CLCN1: variants seen among roughly 807,000 people sequenced by gnomAD.
CLCN1 encodes chloride voltage-gated channel 1.
CLCN1 carries 100 observed loss-of-function variants against 114.5 expected under a neutral mutation model. That is an observed-to-expected ratio of 0.87 (90% confidence interval 0.74 to 1.03). The LOEUF (loss-of-function observed/expected upper bound fraction) is 1.03. Among genes scored for constraint, CLCN1 ranks in the 50% least tolerant of loss-of-function variants. The pLI, the probability that CLCN1 is intolerant of heterozygous loss-of-function variation, is 0.00. For synonymous variants in CLCN1, 485 were observed against 487.1 expected (o/e 1.00, Z 0.06); for missense variants, 1,188 against 1,250.0 (o/e 0.95, Z 0.75).
At position 143,319,840 on chromosome 7, in the gene CLCN1, A is replaced by G. The variant is rs948634525; in HGVS notation, c.266A>G (p.Asp89Gly). 5.6e-6 allele frequency: 9 copies of G among 1,613,834 alleles called. No individual in the cohort carries two copies. Among genetic ancestry groups the G allele is most frequent in the African/African-American group, 2.7e-5 (2 of 74,914 alleles). Reference sequence around the variant, plus strand: ...AAGACAGGCTCCAGTTCTACCGTGGACAGCAAGGATGAGGATCACTATTCT... The same window carrying G: ...AAGACAGGCTCCAGTTCTACCGTGGGCAGCAAGGATGAGGATCACTATTCT... Reference protein sequence around the residue: ...PKKTGSSSTVDSKDEDHYSKC... With the variant: ...PKKTGSSSTVGSKDEDHYSKC... The change falls in exon 2 of 23, where the codon GAC (aspartate) becomes GGC (glycine). Residue 89 changes from aspartate to glycine, a missense_variant. Physicochemically the swap from Asp to Gly is moderately conservative, Grantham distance 94. Transcript: ENST00000343257.
chr7:143,351,226 G>T (rs527855778), intron 22 of CLCN1, among the ~76,000 whole-genome samples: 1 of 152,212 alleles, frequency 6.6e-6, no homozygotes, highest in South Asian at 2.1e-4. Flanking sequence ...TCTGTAGATA[G>T]TGTGGGTTTG....
Position 143,321,470 on chromosome 7 carries a change from A to G in CLCN1, c.539A>G (p.His180Arg). The change falls in exon 4 of 23, where the codon CAC becomes CGC. Residue 180 changes from histidine (H) to arginine (R), a missense_variant. By Grantham distance (29) the His-to-Arg change is conservative. Transcript: ENST00000343257. This position sits in a 1 kb window ranked among gnomAD's most constrained non-coding sequence, Gnocchi z 4.2. ...VLILFSALFC[H>R]LISPQAVGSG... ...ATCCTCTTCAGCGCCCTCTTCTGCCACCTCATCTCTCCCCAGGCTGTTGGT... is the reference window on the plus strand; with the variant it reads ...ATCCTCTTCAGCGCCCTCTTCTGCCGCCTCATCTCTCCCCAGGCTGTTGGT... 6.2e-7 allele frequency: 1 copy of G among 1,613,702 alleles called. No individual in the cohort carries two copies. The highest frequency in any genetic ancestry group is 8.5e-7 in the Non-Finnish European group (1 of 1,179,922).
chr7:143,334,747 T>C (rs1343485245), intron 12 of CLCN1, among the ~76,000 whole-genome samples: 2 of 152,236 alleles, frequency 1.3e-5, no homozygotes, highest in Non-Finnish European at 1.5e-5. Context: ...CATTCCACTT[T>C]AGGTGGTTTA....
rs757897568 is a variant in CLCN1, at chr7:143,321,515, C to T, written c.562+22C>T. 5.3e-5 allele frequency: 85 copies of T among 1,613,844 alleles called. No individual in the cohort carries two copies. The highest frequency in any genetic ancestry group is 3.6e-4 in the East Asian group (16 of 44,874). On this transcript the variant is annotated intron_variant, in intron 4 of 22. Coordinates refer to ENST00000343257, the MANE Select transcript of CLCN1 (RefSeq NM_000083.3). This position sits in a 1 kb window ranked among gnomAD's most constrained non-coding sequence, Gnocchi z 4.2. Reference sequence around the variant, plus strand: ...GTTGGTGAGAACTTGCCACCAGACTCGGCCTGAGCTGGGTGGCCTGAGAGG... The same window carrying T: ...GTTGGTGAGAACTTGCCACCAGACTTGGCCTGAGCTGGGTGGCCTGAGAGG...
At chr7:143,349,386 A>C (rs1057334198) in intron 20 of CLCN1, among the ~76,000 whole-genome samples, 1 of 152,238 alleles carries the variant, frequency 6.6e-6, no homozygotes, top group Non-Finnish European at 1.5e-5. Flanking sequence ...AAACCTATAT[A>C]ATGCCCTTTG....
intron 15 of CLCN1, 94 bp downstream of exon 15, chr7:143,342,236 CTG>C (rs1160922907): frequency 4.0e-6 from 6 of 1,492,654 alleles, no homozygotes; most frequent in Non-Finnish European, 5.6e-6. Context: ...TTTGGAAACA[CTG>C]TTTTAAATTA....
At position 143,323,306 on chromosome 7, in the gene CLCN1, C is replaced by G. The variant is rs1802491459; in HGVS notation, c.697-3C>G. On this transcript the variant is annotated splice_region_variant and splice_polypyrimidine_tract_variant and intron_variant, in intron 5 of 22. Coordinates refer to ENST00000343257, the MANE Select transcript of CLCN1 (RefSeq NM_000083.3). ...CCCCGCCCCCTCGCTCCCCCTCTCC[C>G]AGGGCCCCTTCGTCCACATTGCCAG... The G allele has an allele frequency of 6.2e-7, 1 of 1,608,094 alleles. No individual in the cohort carries two copies. The highest frequency in any genetic ancestry group is 1.7e-5 in the Admixed American group (1 of 59,996).
intron 20 of CLCN1, among the ~76,000 whole-genome samples, chr7:143,347,347 A>G (rs900320930): frequency 6.6e-6 from 1 of 152,140 alleles, no homozygotes; most frequent in Non-Finnish European, 1.5e-5. Context: ...GAGGCCGGGC[A>G]TGGTGGCTCA....
chr7:143,350,549 C>G lies in CLCN1; in HGVS notation c.2509-19C>G, dbSNP rs1049919963. 1 of 1,612,284 alleles carries G rather than the reference C, an allele frequency of 6.2e-7. No homozygotes were observed. Among genetic ancestry groups the G allele is most frequent in the African/African-American group, 1.3e-5 (1 of 74,880 alleles). On this transcript the variant is annotated intron_variant, in intron 21 of 22. Coordinates refer to ENST00000343257, the MANE Select transcript of CLCN1 (RefSeq NM_000083.3). The surrounding 1 kb of genome is among the most constrained non-coding windows in gnomAD (Gnocchi z 5.1). Reference sequence around the variant, plus strand: ...TGTGGGGCAAGGAACATGCACTGACCTGTGCTCTTCATCCTCAGACTCATA... The same window carrying G: ...TGTGGGGCAAGGAACATGCACTGACGTGTGCTCTTCATCCTCAGACTCATA...
In CLCN1 at chr7:143,339,477, C is replaced by G. The variant is rs767828806; in HGVS notation, c.1472-34C>G. 1 of 1,540,646 alleles carries G rather than the reference C, an allele frequency of 6.5e-7. No individual in the cohort carries two copies. The highest frequency in any genetic ancestry group is 1.1e-5 in the South Asian group (1 of 89,570). Reference sequence around the variant, plus strand: ...AACTGAGAGCAAGGAACTTGGATCTCGTAACACCTTCCTTCCTTTTATCTT... The same window carrying G: ...AACTGAGAGCAAGGAACTTGGATCTGGTAACACCTTCCTTCCTTTTATCTT... On this transcript the variant is annotated intron_variant, in intron 13 of 22. Transcript: ENST00000343257. The surrounding 1 kb of genome is among the most constrained non-coding windows in gnomAD (Gnocchi z 4.1).
chr7:143,323,801 C>A (rs1313866249), intron 6 of CLCN1: 1 of 476,700 alleles, frequency 2.1e-6, no homozygotes, highest in Admixed American at 2.3e-5. Flanking sequence ...CCTTGTCCCG[C>A]GTGCTTCTCT....
Position 143,320,750 on chromosome 7 carries a change from C to G in CLCN1, c.388C>G (p.Leu130Val), listed in dbSNP as rs1802407304. The change falls in exon 3 of 23, where the codon CTG becomes GTG. Residue 130 changes from leucine (L) to valine (V), a missense_variant. Coordinates refer to ENST00000343257, the MANE Select transcript of CLCN1 (RefSeq NM_000083.3). ...GGTGCTTCTGGGACTGCTGATGGCT[C>G]TGGTCAGCTGGAGCATGGACTACGT... Reference protein sequence around the residue: ...FLVLLGLLMALVSWSMDYVSA... With the variant: ...FLVLLGLLMAVVSWSMDYVSA... The G allele has an allele frequency of 6.2e-7, 1 of 1,613,408 alleles. No individual in the cohort carries two copies. The highest frequency in any genetic ancestry group is 8.5e-7 in the Non-Finnish European group (1 of 1,179,446).
chr7:143,321,582 C>G lies in CLCN1; in HGVS notation c.562+89C>G. 6.2e-7 allele frequency: 1 copy of G among 1,607,904 alleles called. No individual in the cohort carries two copies. The highest frequency in any genetic ancestry group is 1.1e-5 in the South Asian group (1 of 90,950). On this transcript the variant is annotated intron_variant, in intron 4 of 22. Coordinates refer to ENST00000343257, the MANE Select transcript of CLCN1 (RefSeq NM_000083.3). The surrounding 1 kb of genome is among the most constrained non-coding windows in gnomAD (Gnocchi z 4.2). ...CCCATCATCCAGCCCCACCCACAGCCCTGTGCTGCCTTGCCCCATCCTCCC... is the reference window on the plus strand; with the variant it reads ...CCCATCATCCAGCCCCACCCACAGCGCTGTGCTGCCTTGCCCCATCCTCCC...
intron 6 of CLCN1, chr7:143,323,623 T>A (rs1164066642): frequency 1.4e-5 from 9 of 663,178 alleles, no homozygotes; most frequent in Non-Finnish European, 2.3e-5. Context: ...TGGCCCCACA[T>A]GGAGGTCTGG....
At chr7:143,349,232 A>ATGTGGTCATCCATAGTGGTCAT (rs1803332313) in intron 20 of CLCN1, among the ~76,000 whole-genome samples, 2 of 152,234 alleles carry the variant, frequency 1.3e-5, no homozygotes, top group South Asian at 4.1e-4. Context: ...CACACCTGCT[A>ATGTGGTCATCCATAGTGGTCAT]AGTGGTCATC....
chr7:143,319,811 C>G lies in CLCN1; in HGVS notation c.237C>G (p.Pro79=). The change falls in exon 2 of 23, where the codon CCC becomes CCG. Residue 79 remains proline, a synonymous_variant. Transcript: ENST00000343257. The stretch of plus-strand genomic sequence containing the variant: ...ACAGGGAGCAGGACATAGGGATGCC[C>G]AAGAAGACAGGCTCCAGTTCTACCG... ...FSDREQDIGM[P]KKTGSSSTVD... The G allele has an allele frequency of 6.2e-7, 1 of 1,613,618 alleles. No homozygotes were observed.
Position 143,346,166 on chromosome 7 carries a change from CT to C in CLCN1, c.2200del (p.Ser734LeufsTer60), listed in dbSNP as rs775166782. The C allele has an allele frequency of 6.2e-6, 10 of 1,612,860 alleles. No individual in the cohort carries two copies. Among genetic ancestry groups the C allele is most frequent in the Non-Finnish European group, 8.5e-6 (10 of 1,178,896 alleles). On this transcript the variant is annotated frameshift_variant, in exon 18 of 23. Transcript: ENST00000343257. LOFTEE classifies it high-confidence loss of function. Reference protein sequence around the residue: ...ELPPSLALHPSTTAPLSPEEP... With the variant: ...ELPPSLALHPXTTAPLSPEEP... ...TTCCTCCTTCCCTTGCTCTCCACCC[CT>C]CTACTACTGCCCCTCTGTCCCCAGA...
chr7:143,331,203 A>G (rs763744958), intron 8 of CLCN1, 29 bp from the exon 9 acceptor site: 32 of 1,505,112 alleles, frequency 2.1e-5, no homozygotes, highest in Non-Finnish European at 2.8e-5. Context: ...CGAAGCTCCC[A>G]TCGTAATACT....
Position 143,332,722 on chromosome 7 carries a change from A to G in CLCN1, c.1252-2A>G. On this transcript the variant is annotated splice_acceptor_variant, in intron 11 of 22. Coordinates refer to ENST00000343257, the MANE Select transcript of CLCN1 (RefSeq NM_000083.3). LOFTEE classifies it high-confidence loss of function. ...CACCCTTTCTGCTTCTTCCTCTCCC[A>G]GTTGATGCCCCGCGAAGCCATCAGT... is the stretch of plus-strand genomic sequence containing the variant. 1 of 1,613,976 alleles carries G rather than the reference A, an allele frequency of 6.2e-7. No individual in the cohort carries two copies. Among genetic ancestry groups the G allele is most frequent in the South Asian group, 1.1e-5 (1 of 91,072 alleles).
Sources: allele counts gnomAD v4.1 joint callset (sites outside exome capture counted in the v4.1 genomes callset), GRCh38; gene constraint gnomAD v4.1.1; non-coding constraint Gnocchi (gnomAD v3.1); transcripts MANE v1.5; gene names NCBI Gene and HGNC (gene_info 2026-07-23, HGNC 2026-07-21).